PALM2AKAP2: variants seen among roughly 807,000 people sequenced by gnomAD.
PALM2AKAP2 encodes PALM2-AKAP2 fusion protein.
Under a neutral mutation model 71.5 loss-of-function variants are expected in PALM2AKAP2, and 37 were observed. The observed-to-expected ratio is 0.52, with a 90% CI of 0.40 to 0.68. The LOEUF is 0.68. PALM2AKAP2 is among the 30% of genes least tolerant of loss of function. The pLI, the probability that PALM2AKAP2 is intolerant of heterozygous loss-of-function variation, is 0.00. For synonymous variants in PALM2AKAP2, 468 were observed against 478.8 expected (o/e 0.98, Z 0.29); for missense variants, 1,224 against 1,191.8 (o/e 1.03, Z -0.40).
chr9:109,650,271 G>C (rs142080726), intron 1 of PALM2AKAP2, among the ~76,000 whole-genome samples: 1 of 149,148 alleles, frequency 6.7e-6, no homozygotes, highest in South Asian at 2.1e-4. Flanking sequence ...TTGAAAGCCA[G>C]TTAAGATCTG....
At chr9:110,011,788 A>G (rs1832888457) in intron 6 of PALM2AKAP2, among the ~76,000 whole-genome samples, 2 of 152,132 alleles carry the variant, frequency 1.3e-5, no homozygotes, top group South Asian at 4.1e-4. Context: ...TCGACTCCAC[A>G]TTCTCCGGGA....
chr9:109,685,533 C>G (rs528441877), intron 1 of PALM2AKAP2, among the ~76,000 whole-genome samples: 46 of 152,020 alleles, frequency 3.0e-4, no homozygotes, highest in African/African-American at 1.0e-3. Flanking sequence ...TGTAACTACA[C>G]TATACTCTAA....
chr9:109,659,407 A>G (rs1453791732), intron 1 of PALM2AKAP2, among the ~76,000 whole-genome samples: 1 of 120,198 alleles, frequency 8.3e-6, no homozygotes, highest in East Asian at 2.7e-4. Flanking sequence ...TCCCTTACCC[A>G]CCCCCTCCCA....
rs144854727 is a variant in PALM2AKAP2 at position 109,759,661 on chromosome 9, C to T, written c.6-20827C>T. Among the ~76,000 whole-genome samples, 418 of 152,218 alleles carry T rather than the reference C, an allele frequency of 2.7e-3. 2 individuals are homozygous for T. Among genetic ancestry groups the T allele is most frequent in the African/African-American group, 9.7e-3 (403 of 41,560 alleles). On this transcript the variant is annotated intron_variant, in intron 1 of 6. Transcript: ENST00000374531. ...TCTTTTAGGCCCATTTTAAATGCGT[C>T]CTCCTCCATGAAATATTTCTTGGTT...
chr9:109,934,712 A>T (rs961491610), intron 6 of PALM2AKAP2, among the ~76,000 whole-genome samples: 2 of 152,220 alleles, frequency 1.3e-5, no homozygotes, highest in Admixed American at 1.3e-4. Context: ...GAAAGGCCTC[A>T]AAGTCATTTC....
intron 1 of PALM2AKAP2, among the ~76,000 whole-genome samples, chr9:109,800,812 T>C (rs549624113): frequency 6.6e-6 from 1 of 152,378 alleles, no homozygotes; most frequent in Non-Finnish European, 1.5e-5. Context: ...GAGTATTCAA[T>C]ACAATTTCCT....
chr9:109,680,814 CT>C (rs1827715879), intron 1 of PALM2AKAP2, among the ~76,000 whole-genome samples: 1 of 152,138 alleles, frequency 6.6e-6, no homozygotes, highest in East Asian at 1.9e-4. Flanking sequence ...ACAGGTACTG[CT>C]AATCCTCCTG....
At chr9:109,697,822 A>G (rs985743745) in intron 1 of PALM2AKAP2, among the ~76,000 whole-genome samples, 15 of 152,208 alleles carry the variant, frequency 9.9e-5, no homozygotes, top group Non-Finnish European at 1.9e-4. Context: ...CCCTTTTTAA[A>G]TGATCACAAA....
rs570203878 is a variant in PALM2AKAP2, at chr9:109,672,790, T to G, written c.5+31924T>G. Among the ~76,000 whole-genome samples, 4 of 152,282 alleles carry G rather than the reference T, an allele frequency of 2.6e-5. No individual in the cohort carries two copies. In the South Asian group the frequency reaches 8.3e-4, roughly 32 times the overall value. ...ACTGCCTCAATTTCAGAGCTCATTA[T>G]TAGTCTGTTCAGGGATTCCATTTCT... On this transcript the variant is annotated intron_variant, in intron 1 of 6. Transcript: ENST00000374531.
chr9:109,835,400 G>A (rs146709853), intron 1 of PALM2AKAP2, among the ~76,000 whole-genome samples: 3,157 of 150,888 alleles, frequency 0.021, 83 homozygotes, highest in African/African-American at 0.053. Flanking sequence ...GGGTGGGGGC[G>A]GTTCCAAGAT....
intron 1 of PALM2AKAP2, among the ~76,000 whole-genome samples, chr9:109,746,811 A>C (rs974101955): frequency 7.2e-5 from 11 of 152,222 alleles, no homozygotes; most frequent in Admixed American, 6.5e-5. Context: ...AAACTTGCCC[A>C]AAGTCACACA....
intron 1 of PALM2AKAP2, among the ~76,000 whole-genome samples, chr9:109,657,452 TTGTG>T (rs3062680): frequency 4.1e-5 from 6 of 147,216 alleles, no homozygotes; most frequent in Admixed American, 2.7e-4. Context: ...AATATGGTAT[TTGTG>T]TGTGTGTGTG....
At chr9:109,899,150 C>T (rs902671779) in intron 3 of PALM2AKAP2, among the ~76,000 whole-genome samples, 2 of 151,790 alleles carry the variant, frequency 1.3e-5, no homozygotes, top group African/African-American at 4.8e-5. Flanking sequence ...CCATTTGGAT[C>T]CCCCCAGACA....
chr9:109,780,258 C>T, upstream of PALM2AKAP2: 1 of 1,155,020 alleles, frequency 8.7e-7, no homozygotes, highest in Admixed American at 4.7e-5. Flanking sequence ...CAGTGAGCGG[C>T]GGCGCTGGGG....
intron 1 of PALM2AKAP2, among the ~76,000 whole-genome samples, chr9:109,650,049 G>GATTA (rs1827204973): frequency 6.6e-6 from 1 of 152,138 alleles, no homozygotes; most frequent in Non-Finnish European, 1.5e-5. Flanking sequence ...CTCTTGCCTT[G>GATTA]AGATGATTCC....
At chr9:110,092,687 A>G (rs1220440452) in intron 1 of PALM2AKAP2, among the ~76,000 whole-genome samples, 1 of 152,228 alleles carries the variant, frequency 6.6e-6, no homozygotes, top group Non-Finnish European at 1.5e-5. Flanking sequence ...GTAAAGGTAC[A>G]GGGATAGACT....
chr9:110,020,443 G>A (rs1293635644), intron 7 of PALM2AKAP2, among the ~76,000 whole-genome samples: 2 of 152,160 alleles, frequency 1.3e-5, no homozygotes, highest in African/African-American at 4.8e-5. Context: ...AGCACTGTGG[G>A]AGGCCGAGGT....
chr9:109,891,352 G>T (rs147461823), intron 3 of PALM2AKAP2, among the ~76,000 whole-genome samples: 3 of 152,158 alleles, frequency 2.0e-5, no homozygotes, highest in African/African-American at 7.2e-5. Flanking sequence ...TGGTCTCCAC[G>T]TGCCTCCTTC....
At chr9:110,065,925 A>G (rs1834069734) in intron 1 of PALM2AKAP2, among the ~76,000 whole-genome samples, 1 of 152,176 alleles carries the variant, frequency 6.6e-6, no homozygotes, top group African/African-American at 2.4e-5. Flanking sequence ...CATTGTGTTT[A>G]TATGCCACAT....
Sources: gnomAD v4.1 joint callset for allele counts (sites outside exome capture counted in the v4.1 genomes callset) on GRCh38, gnomAD v4.1.1 for gene constraint, MANE v1.5 for transcripts, NCBI Gene and HGNC (gene_info 2026-07-23, HGNC 2026-07-21) for gene names.